Variants in TUBGCP4 observed in about 807,000 individuals in gnomAD.
The protein encoded by TUBGCP4 is gamma-tubulin complex component 4.
Under a neutral mutation model 91.6 loss-of-function variants are expected in TUBGCP4, and 54 were observed. That is an observed-to-expected ratio of 0.59 (90% CI 0.47 to 0.74). The LOEUF (loss-of-function observed/expected upper bound fraction) is 0.74. Ranked by LOEUF, TUBGCP4 falls within the 30% of genes least tolerant of loss-of-function variation. The pLI is 0.00. For synonymous variants in TUBGCP4, 297 were observed against 302.8 expected, an observed-to-expected ratio of 0.98 and a Z score of 0.20; for missense variants, 593 against 800.9, an observed-to-expected ratio of 0.74 and a Z score of 3.13.
At chr15:43,382,463 C>T (rs1474367909) in intron 6 of TUBGCP4, among the ~76,000 whole-genome samples, 1 of 152,114 alleles carries the variant, frequency 6.6e-6, no homozygotes, top group East Asian at 1.9e-4. Context: ...TCCCCCTTGC[C>T]TTTTGTTGTT....
Position 43,408,980 on chromosome 15 carries a change from A to G in TUBGCP4, c.*3766A>G. 1.2e-6 allele frequency: 2 copies of G among 1,614,228 alleles called. No homozygotes were observed. Among genetic ancestry groups the G allele is most frequent in the Middle Eastern group, 1.7e-4 (1 of 6,060 alleles). ...AGTTCTGGAGCTGGTTGGCATGGCA[A>G]CTATCATGGACCCAGACATGAGACA... On this transcript the variant is annotated 3_prime_UTR_variant, in exon 18 of 18. Transcript: ENST00000564079.
Position 43,386,209 on chromosome 15 carries a change from C to A in TUBGCP4, c.893C>A (p.Ser298Tyr). The stretch of plus-strand genomic sequence containing the variant: ...ACGGTGTCTTCCTATTTTGCAGGAT[C>A]CATTTTGAAAAACCAGGAAGACACT... ...NQNVNLTRKG[S>Y]ILKNQEDTFA... The change falls in exon 9 of 18, where the codon TCC (serine) becomes TAC (tyrosine). Residue 298 changes from serine (S) to tyrosine (Y), a missense_variant. By Grantham distance (144) the Ser-to-Tyr change is moderately radical. Transcript: ENST00000564079. The A allele has an allele frequency of 6.2e-7, 1 of 1,605,670 alleles. No individual in the cohort carries two copies. Among genetic ancestry groups the A allele is most frequent in the Non-Finnish European group, 8.5e-7 (1 of 1,177,270 alleles).
rs1200144534 is a variant in TUBGCP4 at position 43,397,298 on chromosome 15, A to G, written c.1256A>G (p.Glu419Gly). 6.2e-7 allele frequency: 1 copy of G among 1,614,124 alleles called. No homozygotes were observed. Among genetic ancestry groups the G allele is most frequent in the Admixed American group, 1.7e-5 (1 of 60,016 alleles). ...NLLPLLHLTIEYHGKEHKDAT... is the reference protein window; with the variant it reads ...NLLPLLHLTIGYHGKEHKDAT... ...CTCCCTCTGTTGCACTTGACAATCG[A>G]GTATCACGGAAAGGAGCACAAAGGT... Residue 419 changes from glutamate (E) to glycine (G), a missense_variant, in exon 12 of 18, where the codon GAG becomes GGG. Physicochemically the swap from Glu to Gly is moderately conservative, Grantham distance 98 (BLOSUM62 -2). Transcript: ENST00000564079.
intron 9 of TUBGCP4, among the ~76,000 whole-genome samples, chr15:43,389,901 A>G (rs2044438460): frequency 6.6e-6 from 1 of 151,474 alleles, no homozygotes; most frequent in South Asian, 2.1e-4. Context: ...CTATAAAAAT[A>G]TATAAAATAT....
intron 9 of TUBGCP4, among the ~76,000 whole-genome samples, chr15:43,389,882 T>C (rs1457789080): frequency 2.0e-5 from 3 of 151,528 alleles, no homozygotes; most frequent in Admixed American, 2.0e-4. Flanking sequence ...CACTCCCCTT[T>C]ATAAAATACT....
Position 43,406,590 on chromosome 15 carries a change from A to G in TUBGCP4, c.*1376A>G, listed in dbSNP as rs1452972134. On this transcript the variant is annotated 3_prime_UTR_variant, in exon 18 of 18. Coordinates refer to ENST00000564079, the MANE Select transcript of TUBGCP4 (RefSeq NM_014444.5). ...CAAAGCCTGAAATATTTACTCTTTG[A>G]CCCTTTACAGAAAAAAACCTTGTTG... is the stretch of plus-strand genomic sequence containing the variant. The G allele has an allele frequency of 4.4e-6, 2 of 456,006 alleles. No individual in the cohort carries two copies. The highest frequency in any genetic ancestry group is 8.8e-6 in the Non-Finnish European group (2 of 226,784). 28.2% of individuals were successfully genotyped at this position (456,006 alleles called of 1,614,324 possible).
chr15:43,386,913 A>G (rs2044384623), intron 9 of TUBGCP4, among the ~76,000 whole-genome samples: 1 of 152,110 alleles, frequency 6.6e-6, no homozygotes, highest in Admixed American at 6.6e-5. Context: ...CTATCTAACT[A>G]AAAGACAGGT....
At chr15:43,373,854 G>A (rs948479849) in intron 1 of TUBGCP4, among the ~76,000 whole-genome samples, 11 of 152,120 alleles carry the variant, frequency 7.2e-5, no homozygotes, top group Non-Finnish European at 5.9e-5. Flanking sequence ...GGGTTTCACC[G>A]TGTTAGCCAG....
At position 43,405,414 on chromosome 15, in the gene TUBGCP4, T is replaced by C; in HGVS notation, c.*200T>C. ...TTCCCATGTGGAAGGGTCTCTCCCA[T>C]CAAGGAGAACATGTGGCATCTCTGA... On this transcript the variant is annotated 3_prime_UTR_variant, in exon 18 of 18. Coordinates refer to ENST00000564079, the MANE Select transcript of TUBGCP4 (RefSeq NM_014444.5). 1 of 613,778 alleles carries C rather than the reference T, an allele frequency of 1.6e-6. No homozygotes were observed. Among genetic ancestry groups the C allele is most frequent in the South Asian group, 2.0e-5 (1 of 49,014 alleles). The allele number at this position is 613,778 out of a possible 1,614,324, so 38.0% of individuals were successfully genotyped here. A position where few individuals can be genotyped will look rare whatever the true frequency, so the allele number is the denominator to read the frequency against.
chr15:43,397,615 C>G (rs1295361403), intron 12 of TUBGCP4, among the ~76,000 whole-genome samples: 1 of 151,960 alleles, frequency 6.6e-6, no homozygotes, highest in Non-Finnish European at 1.5e-5. Flanking sequence ...AGGAAAGAAT[C>G]TCTAGAAGAC....
chr15:43,407,114 C>T lies in TUBGCP4; in HGVS notation c.*1900C>T, dbSNP rs1224696266. ...TTTTCAATTTCCTTGGCCAGCTGTC[C>T]TCCGTAAGTGAATAAGCCTGTTGAA... On this transcript the variant is annotated 3_prime_UTR_variant, in exon 18 of 18. Transcript: ENST00000564079. The T allele has an allele frequency of 8.2e-6, 3 of 363,974 alleles. No homozygotes were observed. The highest frequency in any genetic ancestry group is 1.0e-5 in the Non-Finnish European group (2 of 197,946). 22.5% of individuals were successfully genotyped at this position (363,974 alleles called of 1,614,324 possible). A position where few individuals can be genotyped will look rare whatever the true frequency, so the allele number is the denominator to read the frequency against.
intron 9 of TUBGCP4, among the ~76,000 whole-genome samples, chr15:43,389,554 G>A (rs1050319261): frequency 6.6e-6 from 1 of 152,034 alleles, no homozygotes; most frequent in African/African-American, 2.4e-5. Flanking sequence ...GTCAATTAAG[G>A]TTCAGTTTCT....
chr15:43,383,736 G>A (rs1371317798), intron 7 of TUBGCP4, among the ~76,000 whole-genome samples: 2 of 151,516 alleles, frequency 1.3e-5, no homozygotes, highest in Non-Finnish European at 2.9e-5. Context: ...GAGATTATAA[G>A]TCTTACTTAT....
At chr15:43,380,788 A>G (rs1475928925) in intron 6 of TUBGCP4, among the ~76,000 whole-genome samples, 1 of 152,236 alleles carries the variant, frequency 6.6e-6, no homozygotes. Context: ...CAAATGATAC[A>G]AAATTGTATT....
chr15:43,386,282 G>A lies in TUBGCP4; in HGVS notation c.966G>A (p.Leu322=), dbSNP rs2142814462. 1 of 1,585,780 alleles carries A rather than the reference G, an allele frequency of 6.3e-7. No individual in the cohort carries two copies. Among genetic ancestry groups the A allele is most frequent in the Non-Finnish European group, 8.6e-7 (1 of 1,168,616 alleles). ...HRLKQQPLFS[L]VDFEQVVDRI... Reference sequence around the variant, plus strand: ...TCAAGCAGCAGCCACTCTTCAGCTTGGTGGACTTTGAACAGGTGGTGGATC... The same window carrying A: ...TCAAGCAGCAGCCACTCTTCAGCTTAGTGGACTTTGAACAGGTGGTGGATC... The change falls in exon 9 of 18, where the codon TTG becomes TTA. Residue 322 remains leucine (L), a synonymous_variant. Transcript: ENST00000564079.
At chr15:43,402,661 CTT>C (rs943050242) in intron 15 of TUBGCP4, 5 of 152,172 alleles carry the variant, frequency 3.3e-5, no homozygotes, top group Non-Finnish European at 5.9e-5. Context: ...CATCGGGACT[CTT>C]TAAAAAAATC....
At chr15:43,393,689 A>G (rs552587111) in intron 9 of TUBGCP4, among the ~76,000 whole-genome samples, 56 of 152,100 alleles carry the variant, frequency 3.7e-4, no homozygotes, top group Admixed American at 1.4e-3. Context: ...GAGTGAGAAC[A>G]TGCGGTGTTT....
chr15:43,393,585 A>T (rs144482800), intron 9 of TUBGCP4, among the ~76,000 whole-genome samples: 2,432 of 152,048 alleles, frequency 0.016, 67 homozygotes, highest in African/African-American at 0.056. Flanking sequence ...TCCTAATGCT[A>T]TCCCTCCCCG....
At chr15:43,372,357 C>T (rs1159319236) in intron 1 of TUBGCP4, among the ~76,000 whole-genome samples, 1 of 152,000 alleles carries the variant, frequency 6.6e-6, no homozygotes, top group Non-Finnish European at 1.5e-5. Context: ...ATAAATCAAA[C>T]AGTTTCCTTT....
Sources: allele counts gnomAD v4.1 joint callset (sites outside exome capture counted in the v4.1 genomes callset), GRCh38; gene constraint gnomAD v4.1.1; transcripts MANE v1.5; gene names NCBI Gene and HGNC (gene_info 2026-07-23, HGNC 2026-07-21).